Variants in HS2ST1 observed in about 807,000 individuals in gnomAD.
The protein encoded by HS2ST1 is 2-O-sulfotransferase.
HS2ST1 carries 18 observed loss-of-function variants against 42.9 expected under a neutral mutation model. The ratio of observed to expected loss-of-function variants is 0.42; its 90% CI spans 0.29 to 0.62. The LOEUF is 0.62. Ranked by LOEUF, HS2ST1 falls within the 20% of genes least tolerant of loss-of-function variation. The pLI, the probability that HS2ST1 is intolerant of heterozygous loss-of-function variation, is 0.21. For synonymous variants in HS2ST1, 146 were observed against 152.9 expected, an observed-to-expected ratio of 0.95 and a Z score of 0.33; for missense variants, 334 against 433.8, an observed-to-expected ratio of 0.77 and a Z score of 2.04.
At chr1:86,997,030 T>G (rs1463194902) in intron 1 of HS2ST1, among the ~76,000 whole-genome samples, 2 of 152,080 alleles carry the variant, frequency 1.3e-5, no homozygotes, top group Non-Finnish European at 2.9e-5. Context: ...GACTTGAGGG[T>G]CTGTGATTCT....
At chr1:87,038,494 A>C (rs139210026) in intron 1 of HS2ST1, among the ~76,000 whole-genome samples, 349 of 152,300 alleles carry the variant, frequency 2.3e-3, no homozygotes, top group African/African-American at 7.9e-3. Flanking sequence ...AAAATTAAGG[A>C]TTATAAAACT....
chr1:87,108,644 T>C lies in HS2ST1; in HGVS notation c.*3948T>C, dbSNP rs1414262752. The C allele has an allele frequency of 1.1e-4, 17 of 152,092 alleles. No homozygotes were observed. Among genetic ancestry groups the C allele is most frequent in the Non-Finnish European group, 2.2e-4 (15 of 67,948 alleles). 9.4% of individuals were successfully genotyped at this position (152,092 alleles called of 1,614,324 possible). ...TTTCTTGGAGCAGGAATTTTAGAGA[T>C]TGAAATGAATGATCATTTAGTCAGA... On this transcript the variant is annotated 3_prime_UTR_variant, in exon 7 of 7. Transcript: ENST00000370550.
chr1:86,980,440 T>C (rs1195901037), intron 1 of HS2ST1, among the ~76,000 whole-genome samples: 1 of 152,212 alleles, frequency 6.6e-6, no homozygotes. Flanking sequence ...AACAAAATGC[T>C]AACAATGGTT....
intron 1 of HS2ST1, among the ~76,000 whole-genome samples, chr1:86,983,398 A>G (rs1411707213): frequency 2.0e-5 from 3 of 152,158 alleles, no homozygotes; most frequent in African/African-American, 7.2e-5. Flanking sequence ...CATGTCTTAC[A>G]TGGTGGTAGG....
intron 1 of HS2ST1, among the ~76,000 whole-genome samples, chr1:87,010,568 G>A (rs1233855220): frequency 6.6e-6 from 1 of 151,822 alleles, no homozygotes; most frequent in Admixed American, 6.6e-5. Flanking sequence ...GAGAAATTTG[G>A]AGTAACAAAT....
intron 1 of HS2ST1, among the ~76,000 whole-genome samples, chr1:87,024,904 ATTG>A (rs1347330086): frequency 6.6e-6 from 1 of 152,226 alleles, no homozygotes; most frequent in Admixed American, 6.5e-5. Context: ...ATTGTGAGAA[ATTG>A]TTTATTAAAT....
rs1374726409 is a variant in HS2ST1 at position 87,077,681 on chromosome 1, A to G, written c.363+4509A>G. On this transcript the variant is annotated intron_variant, in intron 2 of 6. Transcript: ENST00000370550. ...AACCTTGTCTGTCTTGTTCACTACT[A>G]TATCCCTTATGTTTAGAATAGTGCC... 4.6e-5 allele frequency among the ~76,000 whole-genome samples: 7 copies of G among 152,318 alleles called. No homozygotes were observed. The East Asian group carries it at 9.6e-4, about 21-fold the overall frequency.
chr1:86,976,240 A>G (rs1648396392), intron 1 of HS2ST1, among the ~76,000 whole-genome samples: 1 of 152,194 alleles, frequency 6.6e-6, no homozygotes, highest in African/African-American at 2.4e-5. Context: ...GCTGCTTTAG[A>G]CCACATTTAT....
At chr1:86,955,109 C>A (rs911834034) in intron 1 of HS2ST1, among the ~76,000 whole-genome samples, 1 of 152,052 alleles carries the variant, frequency 6.6e-6, no homozygotes, top group African/African-American at 2.4e-5. Context: ...AAGTGTACAG[C>A]TTGATAAATT....
At chr1:86,996,897 C>T (rs1208295443) in intron 1 of HS2ST1, among the ~76,000 whole-genome samples, 1 of 152,050 alleles carries the variant, frequency 6.6e-6, no homozygotes, top group Admixed American at 6.6e-5. Flanking sequence ...ATTTAATAAG[C>T]CTGGTTTTGT....
intron 1 of HS2ST1, among the ~76,000 whole-genome samples, chr1:87,005,816 T>G (rs1476884642): frequency 6.6e-6 from 1 of 152,128 alleles, no homozygotes; most frequent in Non-Finnish European, 1.5e-5. Flanking sequence ...TATGATAAAA[T>G]AACTTTTTAG....
At position 87,106,260 on chromosome 1, in the gene HS2ST1, A is replaced by G. The variant is rs566223948; in HGVS notation, c.*1564A>G. 5.2e-5 allele frequency: 8 copies of G among 152,662 alleles called. No homozygotes were observed. The highest frequency in any genetic ancestry group is 5.9e-5 in the Non-Finnish European group (4 of 67,956). 9.5% of individuals were successfully genotyped at this position (152,662 alleles called of 1,614,324 possible). A position where few individuals can be genotyped will look rare whatever the true frequency, so the allele number is the denominator to read the frequency against. Reference sequence around the variant, plus strand: ...TTTTATCTTCCATGTTTCAACAACTATTGAAATATGAAATGCCTGTGAACT... The same window carrying G: ...TTTTATCTTCCATGTTTCAACAACTGTTGAAATATGAAATGCCTGTGAACT... On this transcript the variant is annotated 3_prime_UTR_variant, in exon 7 of 7. Transcript: ENST00000370550.
chr1:87,082,381 T>C (rs1240166585), intron 2 of HS2ST1, among the ~76,000 whole-genome samples: 1 of 152,234 alleles, frequency 6.6e-6, no homozygotes, highest in South Asian at 2.1e-4. Context: ...GCTTGTACTA[T>C]ATGATCTTCC....
At chr1:86,943,455 G>T (rs1008358762) in intron 1 of HS2ST1, among the ~76,000 whole-genome samples, 1 of 152,096 alleles carries the variant, frequency 6.6e-6, no homozygotes, top group Non-Finnish European at 1.5e-5. Flanking sequence ...AGTGCCCCAC[G>T]CCTTTAATCC....
chr1:87,089,305 T>A (rs1214404005), intron 3 of HS2ST1, among the ~76,000 whole-genome samples: 1 of 152,084 alleles, frequency 6.6e-6, no homozygotes, highest in Non-Finnish European at 1.5e-5. Flanking sequence ...TTTACCAACC[T>A]GCTGCTCAGA....
At chr1:86,959,241 A>G (rs1647758081) in intron 1 of HS2ST1, among the ~76,000 whole-genome samples, 1 of 152,262 alleles carries the variant, frequency 6.6e-6, no homozygotes, top group Non-Finnish European at 1.5e-5. Context: ...TTAATGCAAT[A>G]AGACAGGAAA....
intron 1 of HS2ST1, among the ~76,000 whole-genome samples, chr1:87,021,812 A>AG (rs1205648652): frequency 1.3e-5 from 2 of 152,212 alleles, no homozygotes; most frequent in African/African-American, 4.8e-5. Context: ...CACCAAGCCA[A>AG]GCTGACAGTG....
chr1:87,065,044 T>C (rs1436812457), intron 1 of HS2ST1, among the ~76,000 whole-genome samples: 1 of 152,190 alleles, frequency 6.6e-6, no homozygotes, highest in Non-Finnish European at 1.5e-5. Flanking sequence ...TTACAAAACA[T>C]TACTTCCATG....
At chr1:87,064,450 C>T (rs1651196806) in intron 1 of HS2ST1, 1 of 518,082 alleles carries the variant, frequency 1.9e-6, no homozygotes, top group Non-Finnish European at 3.9e-6. Flanking sequence ...CTCCATCTTC[C>T]CTTAAAGTGG....
Sources: allele counts gnomAD v4.1 joint callset (sites outside exome capture counted in the v4.1 genomes callset), GRCh38; gene constraint gnomAD v4.1.1; transcripts MANE v1.5; gene names NCBI Gene and HGNC (gene_info 2026-07-23, HGNC 2026-07-21).